Variants in KIAA1671 observed in about 807,000 individuals in gnomAD.
The protein encoded by KIAA1671 is KIAA1671, also known as uncharacterized protein KIAA1671.
In KIAA1671, 52 loss-of-function variants were observed where a neutral mutation model predicts 131.2. That is an observed-to-expected ratio of 0.40 (90% CI 0.32 to 0.50). The LOEUF is 0.50. Among genes scored for constraint, KIAA1671 ranks in the 20% least tolerant of loss-of-function variants. The pLI is 0.73. For synonymous variants in KIAA1671, 1,003 were observed against 961.6 expected (o/e 1.04, Z -0.80); for missense variants, 2,360 against 2,364.2 (o/e 1.00, Z 0.04).
At chr22:25,184,496 A>G (rs1013171216) in intron 10 of KIAA1671, among the ~76,000 whole-genome samples, 8 of 152,184 alleles carry the variant, frequency 5.3e-5, no homozygotes, top group African/African-American at 1.7e-4. Context: ...AACTTTATGC[A>G]CACCATTGTA....
In KIAA1671 at chr22:25,029,205, C is replaced by T; in HGVS notation, c.1206C>T (p.Ser402=). 4 of 1,457,900 alleles carry T rather than the reference C, an allele frequency of 2.7e-6. No individual in the cohort carries two copies. Among genetic ancestry groups the T allele is most frequent in the Non-Finnish European group, 3.6e-6 (4 of 1,101,970 alleles). 90.3% of individuals were successfully genotyped at this position (1,457,900 alleles called of 1,614,324 possible). ...CAGAGCCAGAGAAGGCTGCTGAGTC[C>T]CCCTCACCCAGGCTGGGAAGGGGCC... ...LDPEPEKAAE[S]PSPRLGRGLE... Residue 402 remains serine (S), a synonymous_variant, in exon 3 of 13, where the codon TCC becomes TCT. Transcript: ENST00000358431.
At chr22:25,158,706 A>T (rs1933328976) in intron 6 of KIAA1671, among the ~76,000 whole-genome samples, 1 of 152,160 alleles carries the variant, frequency 6.6e-6, no homozygotes, top group Non-Finnish European at 1.5e-5. Context: ...CTGGGTTTGA[A>T]TGGAGCTCCT....
At position 25,028,831 on chromosome 22, in the gene KIAA1671, A is replaced by G. The variant is rs1926109777; in HGVS notation, c.832A>G (p.Arg278Gly). Residue 278 changes from arginine (R) to glycine (G), a missense_variant, in exon 3 of 13, where the codon AGG becomes GGG. By Grantham distance (125) the Arg-to-Gly change is moderately radical. This residue lies in a region of KIAA1671 where 1,185 missense variants were observed against 1,126.2 expected (regional missense o/e 1.05). Transcript: ENST00000358431. ...CACCCCTCCCGAGAAGACGTGGGTG[A>G]GGAAGCCCAGGCCCTTGTCCATGGA... ...PPTPPEKTWVRKPRPLSMDLT... is the reference protein window; with the variant it reads ...PPTPPEKTWVGKPRPLSMDLT... 1 of 1,550,928 alleles carries G rather than the reference A, an allele frequency of 6.4e-7. No homozygotes were observed. The highest frequency in any genetic ancestry group is 2.0e-5 in the Admixed American group (1 of 50,988).
chr22:25,130,905 CT>C (rs1932415169), intron 6 of KIAA1671, among the ~76,000 whole-genome samples: 1 of 152,246 alleles, frequency 6.6e-6, no homozygotes, highest in African/African-American at 2.4e-5. Context: ...CCTCCCATAA[CT>C]TACCCACCAC....
chr22:25,148,200 A>G (rs112546899), intron 6 of KIAA1671, among the ~76,000 whole-genome samples: 2,637 of 150,374 alleles, frequency 0.018, 34 homozygotes, highest in Middle Eastern at 0.058. Context: ...TCTCAGTCCC[A>G]GCACCCCCCT....
chr22:25,095,692 T>C (rs1440603721), intron 6 of KIAA1671, among the ~76,000 whole-genome samples: 1 of 152,048 alleles, frequency 6.6e-6, no homozygotes, highest in Non-Finnish European at 1.5e-5. Flanking sequence ...AACATGTAAA[T>C]GATGATAAGC....
At chr22:24,975,747 A>C (rs1410831762) in intron 1 of KIAA1671, among the ~76,000 whole-genome samples, 1 of 152,146 alleles carries the variant, frequency 6.6e-6, no homozygotes, top group African/African-American at 2.4e-5. Context: ...TTTCCAGATG[A>C]GAAAACTGAG....
At chr22:25,077,489 C>T (rs1020995401) in intron 6 of KIAA1671, among the ~76,000 whole-genome samples, 1 of 152,226 alleles carries the variant, frequency 6.6e-6, no homozygotes, top group Non-Finnish European at 1.5e-5. Context: ...CCAGCCCCGC[C>T]CAGGGTCTGT....
intron 6 of KIAA1671, among the ~76,000 whole-genome samples, chr22:25,153,061 TA>T (rs1465393208): frequency 6.6e-6 from 1 of 152,212 alleles, no homozygotes; most frequent in Non-Finnish European, 1.5e-5. Flanking sequence ...GGGGCCTTTC[TA>T]AACATTTTTT....
chr22:25,165,318 G>A (rs1933609242), intron 6 of KIAA1671, among the ~76,000 whole-genome samples: 2 of 152,184 alleles, frequency 1.3e-5, no homozygotes, highest in African/African-American at 4.8e-5. Context: ...TTGAGACACA[G>A]AGAAGTAGCT....
In KIAA1671 at chr22:24,961,617, T is replaced by C. The variant is rs114033277; in HGVS notation, c.-208+8845T>C. ...TGAAGGGTGGCAGCCAGCCAGGGCGTGTTCTTCTGTGGTGGACAACAGAAG... is the reference window on the plus strand; with the variant it reads ...TGAAGGGTGGCAGCCAGCCAGGGCGCGTTCTTCTGTGGTGGACAACAGAAG... On this transcript the variant is annotated intron_variant, in intron 1 of 12. Transcript: ENST00000358431. 4.3e-3 allele frequency among the ~76,000 whole-genome samples: 656 copies of C among 152,292 alleles called. 4 individuals are homozygous for C. The highest frequency in any genetic ancestry group is 0.015 in the African/African-American group (629 of 41,580).
intron 6 of KIAA1671, among the ~76,000 whole-genome samples, chr22:25,129,510 A>G (rs1279516074): frequency 6.6e-6 from 1 of 151,708 alleles, no homozygotes; most frequent in Non-Finnish European, 1.5e-5. Flanking sequence ...TCCATCTGAA[A>G]AAAAAAAAAA....
chr22:25,175,314 A>G (rs1014427178), intron 8 of KIAA1671: 1 of 152,260 alleles, frequency 6.6e-6, no homozygotes, highest in Non-Finnish European at 1.5e-5. Flanking sequence ...CTCTCCTGGC[A>G]GTAAAGCCTC....
chr22:25,168,668 G>C (rs2146008092), intron 6 of KIAA1671, among the ~76,000 whole-genome samples: 1 of 152,208 alleles, frequency 6.6e-6, no homozygotes, highest in African/African-American at 2.4e-5. Flanking sequence ...ACTCCAGCCT[G>C]GGAGACAGGG....
chr22:25,140,279 C>G (rs1932787436), intron 6 of KIAA1671, among the ~76,000 whole-genome samples: 1 of 152,248 alleles, frequency 6.6e-6, no homozygotes, highest in Admixed American at 6.5e-5. Flanking sequence ...TCCGCAGTTC[C>G]TTGCCACATG....
At chr22:24,971,463 GA>G (rs200886079) in intron 1 of KIAA1671, among the ~76,000 whole-genome samples, 31,682 of 152,022 alleles carry the variant, frequency 0.21, 4,089 homozygotes, top group African/African-American at 0.36. Flanking sequence ...CTGTTCTTGA[GA>G]AAAGCTCCTT....
At chr22:25,024,021 G>C (rs1202059663) in intron 1 of KIAA1671, 1 of 151,896 alleles carries the variant, frequency 6.6e-6, no homozygotes, top group African/African-American at 2.4e-5. Flanking sequence ...TGACTCATTT[G>C]TGCAACTGTG....
intron 7 of KIAA1671, among the ~76,000 whole-genome samples, chr22:25,173,990 T>C (rs1206607990): frequency 6.6e-6 from 1 of 152,152 alleles, no homozygotes; most frequent in Non-Finnish European, 1.5e-5. Context: ...CAAAGGATCT[T>C]GAGTGGCACA....
At chr22:25,060,585 ATC>A (rs1220596103) in intron 6 of KIAA1671, 7 of 152,204 alleles carry the variant, frequency 4.6e-5, no homozygotes, top group Non-Finnish European at 2.9e-5. Context: ...CACACTTGTT[ATC>A]TCACTGGATC....
Sources: gnomAD v4.1 joint callset for allele counts (sites outside exome capture counted in the v4.1 genomes callset) on GRCh38, gnomAD v4.1.1 for gene constraint, gnomAD v4.1.1 regional missense constraint, MANE v1.5 for transcripts, NCBI Gene and HGNC (gene_info 2026-07-23, HGNC 2026-07-21) for gene names.